Variants in FAT3 observed in about 807,000 individuals in gnomAD.
FAT3 encodes the protein FAT atypical cadherin 3.
In FAT3, 95 loss-of-function variants were observed where a neutral mutation model predicts 310.2. That is an observed-to-expected ratio of 0.31 (90% CI 0.26 to 0.36). The LOEUF (loss-of-function observed/expected upper bound fraction) is 0.36. FAT3 is among the 10% of genes least tolerant of loss of function. The pLI is 1.00. For missense variants in FAT3, 5,408 were observed against 5,715.6 expected, an observed-to-expected ratio of 0.95 and a Z score of 1.74; for synonymous variants, 2,314 against 2,192.9, an observed-to-expected ratio of 1.06 and a Z score of -1.54.
intron 1 of FAT3, chr11:92,336,041 A>G (rs1010212574): frequency 6.0e-6 from 3 of 497,968 alleles, no homozygotes; most frequent in Non-Finnish European, 1.2e-5. Context: ...GTCAGTTCTC[A>G]TCCTCTGGCA....
At chr11:92,296,561 A>G (rs2134411923) in intron 1 of FAT3, among the ~76,000 whole-genome samples, 1 of 152,236 alleles carries the variant, frequency 6.6e-6, no homozygotes, top group South Asian at 2.1e-4. Context: ...CAAGTTCAGG[A>G]AGCTGCTGGT....
At chr11:92,561,601 CTATT>C (rs1457406173) in intron 3 of FAT3, among the ~76,000 whole-genome samples, 2 of 151,744 alleles carry the variant, frequency 1.3e-5, no homozygotes, top group African/African-American at 4.8e-5. Context: ...CTTTTATTAT[CTATT>C]TATTTATTTA....
At chr11:92,520,509 TAAAG>T (rs1323343026) in intron 2 of FAT3, among the ~76,000 whole-genome samples, 2 of 152,006 alleles carry the variant, frequency 1.3e-5, no homozygotes, top group African/African-American at 2.4e-5. Flanking sequence ...AAAAAAGTAA[TAAAG>T]AATGCATTGT....
Position 92,883,805 on chromosome 11 carries a change from C to T in FAT3, c.12937+412C>T, listed in dbSNP as rs1195775575. Reference sequence around the variant, plus strand: ...GGGCCTATGTACAAAGTGCAAAAAGCCACTTGAGTGATGTCCAGAAGTGTG... The same window carrying T: ...GGGCCTATGTACAAAGTGCAAAAAGTCACTTGAGTGATGTCCAGAAGTGTG... On this transcript the variant is annotated intron_variant, in intron 24 of 27. Coordinates refer to ENST00000525166, the MANE Select transcript of FAT3 (RefSeq NM_001367949.2). The surrounding 1 kb of genome is among the most constrained non-coding windows in gnomAD (Gnocchi z 4.2). 7.9e-5 allele frequency among the ~76,000 whole-genome samples: 12 copies of T among 152,084 alleles called. No homozygotes were observed. The highest frequency in any genetic ancestry group is 6.2e-4 in the South Asian group (3 of 4,818).
At chr11:92,565,980 A>G (rs1279102082) in intron 3 of FAT3, among the ~76,000 whole-genome samples, 1 of 152,198 alleles carries the variant, frequency 6.6e-6, no homozygotes, top group Non-Finnish European at 1.5e-5. Flanking sequence ...CTGGCACAAG[A>G]CAGGGATGCC....
At chr11:92,402,829 A>G (rs1390008133) in intron 2 of FAT3, among the ~76,000 whole-genome samples, 1 of 151,764 alleles carries the variant, frequency 6.6e-6, no homozygotes, top group Non-Finnish European at 1.5e-5. Context: ...ACCAAGCAGA[A>G]TAAGTATCAA....
chr11:92,604,402 G>A (rs913341398), intron 3 of FAT3, among the ~76,000 whole-genome samples: 3 of 152,106 alleles, frequency 2.0e-5, no homozygotes, highest in Admixed American at 2.0e-4. Flanking sequence ...GCTGTGAATT[G>A]TGAAGAAATA....
At chr11:92,306,744 A>AATATATATAAATATATATATAAATAAATT (rs1947147786) in intron 1 of FAT3, among the ~76,000 whole-genome samples, 3 of 118,794 alleles carry the variant, frequency 2.5e-5, no homozygotes, top group Non-Finnish European at 5.0e-5. Flanking sequence ...TTTATATATA[A>AATATATATAAATATATATATAAATAAATT]ATATATATAA....
rs537312757 is a variant in FAT3 at position 92,628,721 on chromosome 11, T to G, written c.3608-68663T>G. On this transcript the variant is annotated intron_variant, in intron 3 of 27. Coordinates refer to ENST00000525166, the MANE Select transcript of FAT3 (RefSeq NM_001367949.2). ...AGGAGATTGTCCACTCTTGTCTTTTTGCTTATCCTTCCCATTTAGCCCCAG... is the reference window on the plus strand; with the variant it reads ...AGGAGATTGTCCACTCTTGTCTTTTGGCTTATCCTTCCCATTTAGCCCCAG... Among the ~76,000 whole-genome samples the G allele has an allele frequency of 1.4e-4, 22 of 152,388 alleles. No homozygotes were observed. In the East Asian group the frequency reaches 4.1e-3, roughly 28 times the overall value.
intron 4 of FAT3, among the ~76,000 whole-genome samples, chr11:92,750,559 C>T (rs192855783): frequency 1.3e-5 from 2 of 152,110 alleles, no homozygotes; most frequent in South Asian, 2.1e-4. Context: ...TCAGTCATTT[C>T]GAAGTTACAA....
chr11:92,476,910 G>T (rs1952065665), intron 2 of FAT3, among the ~76,000 whole-genome samples: 1 of 152,112 alleles, frequency 6.6e-6, no homozygotes, highest in Admixed American at 6.5e-5. Flanking sequence ...TTGCATATTT[G>T]TTCTTCCACC....
At chr11:92,573,965 G>T (rs369362424) in intron 3 of FAT3, among the ~76,000 whole-genome samples, 2,051 of 152,224 alleles carry the variant, frequency 0.013, 41 homozygotes, top group African/African-American at 0.046. Flanking sequence ...CTAAATGAAG[G>T]TTTGCCATTC....
intron 2 of FAT3, among the ~76,000 whole-genome samples, chr11:92,443,427 T>G (rs1241214220): frequency 6.6e-6 from 1 of 152,152 alleles, no homozygotes; most frequent in Non-Finnish European, 1.5e-5. Context: ...AAATCTGCTT[T>G]TATAGAAATG....
At chr11:92,711,735 T>C (rs186769611) in intron 4 of FAT3, among the ~76,000 whole-genome samples, 1 of 152,350 alleles carries the variant, frequency 6.6e-6, no homozygotes, top group Non-Finnish European at 1.5e-5. Flanking sequence ...TTAATTCATG[T>C]CCTTTGAAAA....
intron 3 of FAT3, among the ~76,000 whole-genome samples, chr11:92,623,866 C>A (rs1941204916): frequency 6.6e-6 from 1 of 152,042 alleles, no homozygotes; most frequent in Non-Finnish European, 1.5e-5. Flanking sequence ...TGGCGTGAAC[C>A]CGGGAGGCAG....
intron 4 of FAT3, among the ~76,000 whole-genome samples, chr11:92,725,548 G>GA (rs973652844): frequency 4.7e-5 from 7 of 149,568 alleles, no homozygotes; most frequent in African/African-American, 7.4e-5. Flanking sequence ...CCTAATAGAA[G>GA]AAAAAAAAGA....
chr11:92,561,207 A>T (rs73552312), intron 3 of FAT3, among the ~76,000 whole-genome samples: 2,269 of 151,946 alleles, frequency 0.015, 62 homozygotes, highest in African/African-American at 0.052. Context: ...ATACTTTTAC[A>T]GCTATTCCTT....
At chr11:92,240,541 C>G (rs536161095) in intron 1 of FAT3, among the ~76,000 whole-genome samples, 51 of 145,970 alleles carry the variant, frequency 3.5e-4, no homozygotes, top group African/African-American at 1.3e-3. Context: ...GTAATACTTG[C>G]AAGCACAATT....
At chr11:92,408,474 C>A (rs1950183103) in intron 2 of FAT3, among the ~76,000 whole-genome samples, 1 of 152,150 alleles carries the variant, frequency 6.6e-6, no homozygotes, top group African/African-American at 2.4e-5. Context: ...GTTCCCCCAC[C>A]TGAAGCATGG....
Sources: allele counts gnomAD v4.1 joint callset (sites outside exome capture counted in the v4.1 genomes callset), GRCh38; gene constraint gnomAD v4.1.1; non-coding constraint Gnocchi (gnomAD v3.1); transcripts MANE v1.5; gene names NCBI Gene and HGNC (gene_info 2026-07-23, HGNC 2026-07-21).